Variants in DEF8 observed in about 807,000 individuals in gnomAD.
DEF8 encodes the protein differentially expressed in FDCP 8 homolog.
In DEF8, 38 loss-of-function variants were observed where a neutral mutation model predicts 59.1. The observed-to-expected ratio is 0.64, with a 90% confidence interval of 0.50 to 0.84. The LOEUF is 0.84. DEF8 is among the 40% of genes least tolerant of loss of function. DEF8 has a pLI of 0.00. For synonymous variants in DEF8, 265 were observed against 250.1 expected (o/e 1.06, Z -0.56); for missense variants, 557 against 615.2 (o/e 0.91, Z 1.00).
At chr16:89,960,786 TA>T in intron 6 of DEF8, 144 bp from the exon 7 acceptor site, 1 of 842,516 alleles carries the variant, frequency 1.2e-6, no homozygotes, top group Non-Finnish European at 1.9e-6. Context: ...TTTGAGGTTC[TA>T]AGGCCTCCCT....
chr16:89,963,053 G>A (rs766158829), intron 9 of DEF8, among the ~76,000 whole-genome samples: 4 of 152,274 alleles, frequency 2.6e-5, no homozygotes, highest in Non-Finnish European at 4.4e-5. Context: ...GGCCAGGGCT[G>A]GGGAGGCAGC....
At chr16:89,951,549 A>T (rs1398234304) in intron 2 of DEF8, among the ~76,000 whole-genome samples, 1 of 152,038 alleles carries the variant, frequency 6.6e-6, no homozygotes, top group Non-Finnish European at 1.5e-5. Context: ...TGGGTCTTTC[A>T]GTCAGAATCT....
chr16:89,964,517 C>G lies in DEF8; in HGVS notation c.1195C>G (p.Leu399Val), dbSNP rs2034431733. The G allele has an allele frequency of 1.3e-6, 2 of 1,598,268 alleles. No homozygotes were observed. Among genetic ancestry groups the G allele is most frequent in the Non-Finnish European group, 1.7e-6 (2 of 1,173,080 alleles). ...VCELCREGDV[L>V]FPFDSHTSVC... ...TGAGCTCTGCAGAGAGGGCGACGTG[C>G]TGTTCCCGTTCGACAGCCACACGTC... The change falls in exon 12 of 13, where the codon CTG becomes GTG. Residue 399 changes from leucine to valine, a missense_variant. Leu to Val is a conservative substitution (Grantham distance 32). Coordinates refer to ENST00000563594, the MANE Select transcript of DEF8 (RefSeq NM_001242818.2).
intron 12 of DEF8, 80 bp from the exon 13 acceptor site, chr16:89,965,781 A>G (rs1245157488): frequency 1.1e-6 from 1 of 873,306 alleles, no homozygotes; most frequent in Non-Finnish European, 1.8e-6. Flanking sequence ...AGGGGATGAT[A>G]GGAGCTGACC....
At chr16:89,961,413 C>T (rs2034008153) in intron 7 of DEF8, among the ~76,000 whole-genome samples, 1 of 152,206 alleles carries the variant, frequency 6.6e-6, no homozygotes, top group African/African-American at 2.4e-5. Context: ...CAGAAAGCCT[C>T]ATAGACGGGG....
rs370204983 is a variant in DEF8, at chr16:89,954,928, G to A, written c.125-241G>A. ...TGCTGTCTTGAGGACTTTTGGCACC[G>A]AGTGTCATTCCACCTCCTCATTTTG... is the stretch of plus-strand genomic sequence containing the variant. On this transcript the variant is annotated intron_variant, in intron 3 of 12. Transcript: ENST00000563594. This position sits in a 1 kb window ranked among gnomAD's most constrained non-coding sequence, Gnocchi z 4.3. Among the ~76,000 whole-genome samples, 17 of 152,260 alleles carry A rather than the reference G, an allele frequency of 1.1e-4. No individual in the cohort carries two copies. Among genetic ancestry groups the A allele is most frequent in the South Asian group, 4.1e-4 (2 of 4,820 alleles).
chr16:89,957,838 C>T (rs563260709), intron 5 of DEF8, among the ~76,000 whole-genome samples, 178 bp downstream of exon 5: 1 of 152,350 alleles, frequency 6.6e-6, no homozygotes, highest in African/African-American at 2.4e-5. Context: ...CACCCCACTG[C>T]GGGAGGTTTC....
At chr16:89,956,257 C>G (rs1323937657) in intron 4 of DEF8, among the ~76,000 whole-genome samples, 7 of 151,814 alleles carry the variant, frequency 4.6e-5, no homozygotes, top group Admixed American at 3.9e-4. Context: ...GAGTTCGAGA[C>G]CAGCCTGACC....
At chr16:89,958,306 C>G (rs79378229) in intron 5 of DEF8, 3,696 of 154,060 alleles carry the variant, frequency 0.024, 75 homozygotes, top group African/African-American at 0.059. Context: ...TGCCCACCCA[C>G]TGAAGCAAGC....
At position 89,964,307 on chromosome 16, in the gene DEF8, C is replaced by A; in HGVS notation, c.1140C>A (p.Cys380Ter). The change falls in exon 11 of 13, where the codon TGC becomes TGA. Residue 380 changes from cysteine (C) to a stop codon, truncating the protein, a stop_gained. Transcript: ENST00000563594. LOFTEE classifies it high-confidence loss of function. The part of the protein sequence containing the change: ...TLFAKHIKLD[C>*]ERCQAKGFVC... ...TCGCCAAGCACATCAAGCTGGACTG[C>A]GAGGTGGGCCTCTGCCCGAGGGCCG... 1 of 1,584,998 alleles carries A rather than the reference C, an allele frequency of 6.3e-7. No homozygotes were observed. The highest frequency in any genetic ancestry group is 8.6e-7 in the Non-Finnish European group (1 of 1,165,432).
chr16:89,950,066 G>C, intron 2 of DEF8: 1 of 997,212 alleles, frequency 1.0e-6, no homozygotes, highest in South Asian at 4.3e-5. Context: ...TTTTTTCACA[G>C]CCCGGAGGAG....
Position 89,949,410 on chromosome 16 carries a change from C to T in DEF8, c.-107-7C>T. The T allele has an allele frequency of 1.3e-6, 2 of 1,599,626 alleles. No individual in the cohort carries two copies. Among genetic ancestry groups the T allele is most frequent in the Admixed American group, 3.5e-5 (2 of 57,820 alleles). On this transcript the variant is annotated splice_region_variant and splice_polypyrimidine_tract_variant and intron_variant, in intron 1 of 12. Transcript: ENST00000563594. ...AGGCACAGTGCTGGGGTGGCTTCTC[C>T]CTGCAGCAGGTGCCGAACCCACGGC... is the stretch of plus-strand genomic sequence containing the variant.
chr16:89,966,055 G>A lies in DEF8; in HGVS notation c.*92G>A. ...TCCTTCTGCTCCGGAGACCCCTGGG[G>A]TGCGGCCCTGGCCCCCTCCACCCCT... On this transcript the variant is annotated 3_prime_UTR_variant, in exon 13 of 13. Transcript: ENST00000563594. 2 of 1,004,754 alleles carry A rather than the reference G, an allele frequency of 2.0e-6. No individual in the cohort carries two copies. The highest frequency in any genetic ancestry group is 2.2e-5 in the Admixed American group (1 of 46,412). The allele number at this position is 1,004,754 out of a possible 1,614,324, so 62.2% of individuals were successfully genotyped here.
chr16:89,963,961 CG>C (rs2034358110), intron 10 of DEF8: 7 of 669,124 alleles, frequency 1.0e-5, no homozygotes, highest in Admixed American at 6.3e-5. Flanking sequence ...GAGTGGAGGG[CG>C]GGGGGCTACA....
At chr16:89,956,244 C>T (rs1169287139) in intron 4 of DEF8, among the ~76,000 whole-genome samples, 1 of 151,976 alleles carries the variant, frequency 6.6e-6, no homozygotes, top group Non-Finnish European at 1.5e-5. Flanking sequence ...ATCGTGAGGT[C>T]AGGAGTTCGA....
In DEF8 at chr16:89,966,907, A is replaced by G. The variant is rs952187031; in HGVS notation, c.*944A>G. 58 of 173,856 alleles carry G rather than the reference A, an allele frequency of 3.3e-4. No individual in the cohort carries two copies. The highest frequency in any genetic ancestry group is 1.3e-3 in the African/African-American group (55 of 42,400). 10.8% of individuals were successfully genotyped at this position (173,856 alleles called of 1,614,324 possible). On this transcript the variant is annotated 3_prime_UTR_variant, in exon 13 of 13. Transcript: ENST00000563594. ...CAGATAGCTCAGAAATGACCAGCCAATGGCCTTTTGTTTGGGGGCCTGAGG... is the reference window on the plus strand; with the variant it reads ...CAGATAGCTCAGAAATGACCAGCCAGTGGCCTTTTGTTTGGGGGCCTGAGG...
chr16:89,957,130 C>T (rs1021581167), intron 4 of DEF8: 1 of 161,628 alleles, frequency 6.2e-6, no homozygotes, highest in African/African-American at 2.4e-5. Context: ...AGGCCACTTA[C>T]TGTCCTTCAT....
rs576918800 is a variant in DEF8 at position 89,951,287 on chromosome 16, C to T, written c.-11+1774C>T. Among the ~76,000 whole-genome samples the T allele has an allele frequency of 4.6e-5, 7 of 151,844 alleles. No individual in the cohort carries two copies. The East Asian group carries it at 1.4e-3, about 29-fold the overall frequency. On this transcript the variant is annotated intron_variant, in intron 2 of 12. Transcript: ENST00000563594. ...TTTTTTTTTTTCTGAGATGGAGTCTCACTCTGTCACCCAAGCTGGAGTGCA... is the reference window on the plus strand; with the variant it reads ...TTTTTTTTTTTCTGAGATGGAGTCTTACTCTGTCACCCAAGCTGGAGTGCA...
chr16:89,952,311 T>C (rs1478242862), intron 2 of DEF8, among the ~76,000 whole-genome samples: 1 of 152,192 alleles, frequency 6.6e-6, no homozygotes, highest in African/African-American at 2.4e-5. Flanking sequence ...TACTGTTGTT[T>C]TCAGATAGCC....
Sources: gnomAD v4.1 joint callset for allele counts (sites outside exome capture counted in the v4.1 genomes callset) on GRCh38, gnomAD v4.1.1 for gene constraint, Gnocchi (gnomAD v3.1) non-coding constraint, MANE v1.5 for transcripts, NCBI Gene and HGNC (gene_info 2026-07-23, HGNC 2026-07-21) for gene names.